Variants in PCDHA9 observed in about 807,000 individuals in gnomAD.
PCDHA9 encodes the protein protocadherin alpha 9, also known as protocadherin alpha-9.
PCDHA9 carries 62 observed loss-of-function variants against 62.0 expected under a neutral mutation model. The observed-to-expected ratio is 1.00, with a 90% CI of 0.81 to 1.23. PCDHA9 has a LOEUF of 1.23. PCDHA9 is among the 50% of genes most tolerant of loss of function. PCDHA9 has a pLI of 0.00. For missense variants in PCDHA9, 1,205 were observed against 1,249.8 expected (o/e 0.96, Z 0.54); for synonymous variants, 557 against 567.6 (o/e 0.98, Z 0.27).
intron 1 of PCDHA9, among the ~76,000 whole-genome samples, chr5:140,944,948 A>T (rs1425847139): frequency 6.6e-6 from 1 of 152,200 alleles, no homozygotes; most frequent in African/African-American, 2.4e-5. Context: ...ATGATTGTGA[A>T]TAAGAGTATT....
At chr5:140,999,592 C>T (rs1443096475) in intron 3 of PCDHA9, among the ~76,000 whole-genome samples, 2 of 152,114 alleles carry the variant, frequency 1.3e-5, no homozygotes, top group Non-Finnish European at 2.9e-5. Flanking sequence ...ATTGCCTTCC[C>T]TACATCCTGG....
At chr5:140,884,148 A>G in intron 1 of PCDHA9, 3 of 1,613,432 alleles carry the variant, frequency 1.9e-6, no homozygotes, top group Non-Finnish European at 2.5e-6. Context: ...GTGGGGCTGT[A>G]CACTGGCGAG....
intron 1 of PCDHA9, 149 bp from the exon 2 acceptor site, chr5:140,978,800 T>C: frequency 6.8e-7 from 1 of 1,480,668 alleles, no homozygotes; most frequent in South Asian, 1.4e-5. Flanking sequence ...TATATGTAGA[T>C]ATCATCATAG....
chr5:140,869,588 T>TC, intron 1 of PCDHA9: 1 of 1,614,114 alleles, frequency 6.2e-7, no homozygotes. Context: ...GATGCTGACA[T>TC]TGAAGAGAAT....
chr5:140,966,958 G>T (rs561982676), intron 1 of PCDHA9: 4 of 1,602,380 alleles, frequency 2.5e-6, no homozygotes, highest in African/African-American at 2.7e-5. Context: ...TGGCTCGCGC[G>T]CTGGGGCTTG....
At chr5:140,899,512 G>T (rs4386771) in intron 1 of PCDHA9, among the ~76,000 whole-genome samples, 1 of 152,040 alleles carries the variant, frequency 6.6e-6, no homozygotes, top group African/African-American at 2.4e-5. Flanking sequence ...TGCATATATT[G>T]CATCCCAGGG....
intron 1 of PCDHA9, among the ~76,000 whole-genome samples, chr5:140,960,268 C>T (rs909300103): frequency 3.3e-5 from 5 of 152,222 alleles, no homozygotes; most frequent in African/African-American, 7.2e-5. Context: ...TGATAAATTC[C>T]GTCACCTTTT....
chr5:140,883,847 G>A (rs782603246), intron 1 of PCDHA9: 3 of 1,612,878 alleles, frequency 1.9e-6, no homozygotes, highest in Non-Finnish European at 8.5e-7. Flanking sequence ...GGACCACGAG[G>A]AGCTGGAGCT....
At chr5:141,009,285 T>C (rs1554262099) in intron 3 of PCDHA9, among the ~76,000 whole-genome samples, 1 of 152,106 alleles carries the variant, frequency 6.6e-6, no homozygotes, top group African/African-American at 2.4e-5. Context: ...TGAGATCCCA[T>C]TTCTATAAAA....
chr5:140,849,776 G>C lies in PCDHA9; in HGVS notation c.1281G>C (p.Ala427=). 1 of 1,598,464 alleles carries C rather than the reference G, an allele frequency of 6.3e-7. No homozygotes were observed. The highest frequency in any genetic ancestry group is 8.6e-7 in the Non-Finnish European group (1 of 1,167,968). Reference sequence around the variant, plus strand: ...CCGCCTACGAGCTGGTGGTTACCGCGCGGGACGGGGGCTCGCCTTCACTGT... The same window carrying C: ...CCGCCTACGAGCTGGTGGTTACCGCCCGGGACGGGGGCTCGCCTTCACTGT... The part of the protein sequence containing the change: ...SVSAYELVVT[A]RDGGSPSLWA... Residue 427 remains alanine (A), a synonymous_variant, in exon 1 of 4, where the codon GCG becomes GCC. Coordinates refer to ENST00000532602, the MANE Select transcript of PCDHA9 (RefSeq NM_031857.2).
chr5:140,998,495 C>T (rs782386986), intron 3 of PCDHA9, among the ~76,000 whole-genome samples: 17 of 152,170 alleles, frequency 1.1e-4, no homozygotes, highest in Non-Finnish European at 1.9e-4. Context: ...TCTTTGAGAA[C>T]AGGGTACTTG....
chr5:140,914,302 A>G (rs1168032612), intron 1 of PCDHA9, among the ~76,000 whole-genome samples: 4 of 152,144 alleles, frequency 2.6e-5, no homozygotes, highest in African/African-American at 9.7e-5. Context: ...CTCTTGCTGA[A>G]TTGACCCCAT....
intron 1 of PCDHA9, among the ~76,000 whole-genome samples, chr5:140,948,600 A>G (rs1369107358): frequency 6.6e-6 from 1 of 151,576 alleles, no homozygotes; most frequent in African/African-American, 2.4e-5. Flanking sequence ...TCAATTTATC[A>G]TATTTTTGGC....
chr5:140,859,656 C>A (rs2045955130), intron 1 of PCDHA9: 1 of 155,362 alleles, frequency 6.4e-6, no homozygotes, highest in Admixed American at 6.4e-5. Context: ...TCAGTACGTG[C>A]TTCACAAATA....
intron 1 of PCDHA9, chr5:140,875,795 T>C (rs782073142): frequency 1.2e-6 from 2 of 1,613,786 alleles, no homozygotes. Context: ...CACCTGGAGG[T>C]GATCGTGGAC....
At chr5:140,950,159 T>C (rs983239055) in intron 1 of PCDHA9, among the ~76,000 whole-genome samples, 3 of 151,972 alleles carry the variant, frequency 2.0e-5, no homozygotes, top group Non-Finnish European at 4.4e-5. Flanking sequence ...AAGCAGTTAT[T>C]ATGTACTTTA....
At chr5:140,927,142 G>T (rs781883795) in intron 1 of PCDHA9, 1 of 1,614,128 alleles carries the variant, frequency 6.2e-7, no homozygotes, top group South Asian at 1.1e-5. Context: ...GGCGGACCGC[G>T]AACAGCTGTG....
In PCDHA9 at chr5:141,010,432, C is replaced by T; in HGVS notation, c.*495C>T. On this transcript the variant is annotated 3_prime_UTR_variant, in exon 4 of 4. Coordinates refer to ENST00000532602, the MANE Select transcript of PCDHA9 (RefSeq NM_031857.2). The stretch of plus-strand genomic sequence containing the variant: ...AATTGGTACAAGGAAGGCAAGAAAA[C>T]AAAGACAAATAAACAGCGGAAGTTA... 1 of 1,056,970 alleles carries T rather than the reference C, an allele frequency of 9.5e-7. No individual in the cohort carries two copies. The highest frequency in any genetic ancestry group is 1.3e-6 in the Non-Finnish European group (1 of 756,282). 65.5% of individuals were successfully genotyped at this position (1,056,970 alleles called of 1,614,324 possible).
At chr5:140,953,035 C>A (rs2094836412) in intron 1 of PCDHA9, among the ~76,000 whole-genome samples, 1 of 152,116 alleles carries the variant, frequency 6.6e-6, no homozygotes, top group Admixed American at 6.5e-5. Flanking sequence ...GGAAATCCAC[C>A]CCCATGATCC....
Sources: gnomAD v4.1 joint callset for allele counts (sites outside exome capture counted in the v4.1 genomes callset) on GRCh38, gnomAD v4.1.1 for gene constraint, MANE v1.5 for transcripts, NCBI Gene and HGNC (gene_info 2026-07-23, HGNC 2026-07-21) for gene names.